The following SBF2 variants were observed in gnomAD, a reference collection of about 807,000 sequenced individuals.
The protein encoded by SBF2 is myotubularin-related protein 13.
Under a neutral mutation model 225.2 loss-of-function variants are expected in SBF2, and 112 were observed. That is an observed-to-expected ratio of 0.50 (90% CI 0.43 to 0.58). The LOEUF is 0.58. SBF2 is among the 20% of genes least tolerant of loss of function. The pLI is 0.00. For missense variants in SBF2, 1,996 were observed against 2,206.2 expected (o/e 0.90, Z 1.91); for synonymous variants, 763 against 773.3 (o/e 0.99, Z 0.22).
rs192282549 is a variant in SBF2 at position 9,779,971 on chromosome 11, T to A, written c.*447A>T. ...AGGCATTACAAGTAGATGTCTCTCA[T>A]AGGAAACCTAGTCCAGGTAGAATAT... On this transcript the variant is annotated 3_prime_UTR_variant, in exon 40 of 40. Transcript: ENST00000256190. The A allele has an allele frequency of 4.1e-4, 103 of 248,928 alleles. No homozygotes were observed. Among genetic ancestry groups the A allele is most frequent in the Admixed American group, 8.3e-4 (17 of 20,518 alleles). The allele number at this position is 248,928 out of a possible 1,614,324, so 15.4% of individuals were successfully genotyped here. A position where few individuals can be genotyped will look rare whatever the true frequency, so the allele number is the denominator to read the frequency against.
chr11:10,137,937 T>C (rs945353063), intron 2 of SBF2, among the ~76,000 whole-genome samples: 1 of 151,988 alleles, frequency 6.6e-6, no homozygotes, highest in South Asian at 2.1e-4. Flanking sequence ...GAGGCAGAGG[T>C]TGCAGTGAGC....
At chr11:9,881,708 G>C (rs1173409498) in intron 17 of SBF2, among the ~76,000 whole-genome samples, 5 of 151,876 alleles carry the variant, frequency 3.3e-5, no homozygotes, top group African/African-American at 1.2e-4. Flanking sequence ...TTTAGCTTTG[G>C]CCAAGTAGAG....
rs767921185 is a variant in SBF2, at chr11:10,043,524, T to C, written c.142-543A>G. Among the ~76,000 whole-genome samples, 8 of 151,992 alleles carry C rather than the reference T, an allele frequency of 5.3e-5. No homozygotes were observed. In the East Asian group the frequency reaches 1.3e-3, roughly 26 times the overall value. Reference sequence around the variant, plus strand: ...GACCATGACAGAATTAAACTAGAAATCAATAACAGGCAGATAGCTGGAAAA... The same window carrying C: ...GACCATGACAGAATTAAACTAGAAACCAATAACAGGCAGATAGCTGGAAAA... On this transcript the variant is annotated intron_variant, in intron 2 of 39. Coordinates refer to ENST00000256190, the MANE Select transcript of SBF2 (RefSeq NM_030962.4).
intron 17 of SBF2, among the ~76,000 whole-genome samples, chr11:9,882,704 G>A (rs902988692): frequency 6.6e-6 from 1 of 150,466 alleles, no homozygotes; most frequent in African/African-American, 2.4e-5. Flanking sequence ...CTACTTGGGA[G>A]GCTGAGGCAG....
chr11:10,211,478 A>G (rs1322537470), intron 1 of SBF2, among the ~76,000 whole-genome samples: 1 of 152,206 alleles, frequency 6.6e-6, no homozygotes, highest in Non-Finnish European at 1.5e-5. Context: ...ATCCCAAAAT[A>G]CTGTTACCTC....
rs1852684957 is a variant in SBF2, at chr11:9,790,700, T to C, written c.4571-17A>G. 6.5e-7 allele frequency: 1 copy of C among 1,544,844 alleles called. No individual in the cohort carries two copies. Among genetic ancestry groups the C allele is most frequent in the Non-Finnish European group, 8.9e-7 (1 of 1,123,252 alleles). On this transcript the variant is annotated splice_polypyrimidine_tract_variant and intron_variant, in intron 33 of 39. Coordinates refer to ENST00000256190, the MANE Select transcript of SBF2 (RefSeq NM_030962.4). ...ATAAAGTTCCTGTAGATTAAAAAAA[T>C]CCAACAAAACAAAATTAAATAAATT...
At chr11:9,860,344 C>T (rs905378866) in intron 17 of SBF2, among the ~76,000 whole-genome samples, 31 of 149,962 alleles carry the variant, frequency 2.1e-4, no homozygotes, top group Non-Finnish European at 4.0e-4. Context: ...CTTACTGCAG[C>T]CTCAACCTCC....
intron 29 of SBF2, among the ~76,000 whole-genome samples, chr11:9,815,128 G>A (rs1370774384): frequency 6.6e-6 from 1 of 151,982 alleles, no homozygotes; most frequent in African/African-American, 2.4e-5. Context: ...CCAGAATGGT[G>A]GGATTACATT....
In SBF2 at chr11:9,891,652, C is replaced by G. The variant is rs1048654606; in HGVS notation, c.1929+4291G>C. 1.1e-4 allele frequency among the ~76,000 whole-genome samples: 16 copies of G among 152,104 alleles called. 1 individual carries two copies. The South Asian group carries it at 3.3e-3, about 32-fold the overall frequency. ...CATTATTTTTCACAGTAAAAGTAATCCTAAGAATTTAAACCTGGCTGTTAA... is the reference window on the plus strand; with the variant it reads ...CATTATTTTTCACAGTAAAAGTAATGCTAAGAATTTAAACCTGGCTGTTAA... On this transcript the variant is annotated intron_variant, in intron 17 of 39. Coordinates refer to ENST00000256190, the MANE Select transcript of SBF2 (RefSeq NM_030962.4).
chr11:10,079,798 T>C (rs906894995), intron 2 of SBF2, among the ~76,000 whole-genome samples: 1 of 152,092 alleles, frequency 6.6e-6, no homozygotes, highest in East Asian at 1.9e-4. Context: ...AGAATGCCTA[T>C]GGTTAACATT....
chr11:10,035,004 C>G (rs1393231592), intron 3 of SBF2, among the ~76,000 whole-genome samples: 2 of 152,150 alleles, frequency 1.3e-5, no homozygotes, highest in African/African-American at 2.4e-5. Flanking sequence ...TTCAAACAAA[C>G]TAGGCCTCTA....
At chr11:9,920,113 G>A (rs12224908) in intron 16 of SBF2, among the ~76,000 whole-genome samples, 180 of 151,880 alleles carry the variant, frequency 1.2e-3, no homozygotes, top group Non-Finnish European at 2.2e-3. Context: ...GACTCAGTAA[G>A]TTGCCAGGTA....
intron 1 of SBF2, among the ~76,000 whole-genome samples, chr11:10,266,163 T>C (rs887665550): frequency 1.3e-5 from 2 of 152,172 alleles, no homozygotes; most frequent in African/African-American, 4.8e-5. Context: ...CTCAGCTCTG[T>C]AGTTAAATGA....
intron 16 of SBF2, among the ~76,000 whole-genome samples, chr11:9,911,788 A>G (rs1451536111): frequency 6.6e-6 from 1 of 150,886 alleles, no homozygotes; most frequent in Non-Finnish European, 1.5e-5. Context: ...ATGTGTAGAT[A>G]TGTTTAGATA....
chr11:10,016,182 T>C (rs1948645606), intron 6 of SBF2, among the ~76,000 whole-genome samples: 1 of 152,144 alleles, frequency 6.6e-6, no homozygotes, highest in Non-Finnish European at 1.5e-5. Context: ...TATCATTTAG[T>C]ATCAGATAAA....
At chr11:9,985,078 T>G (rs964000396) in intron 13 of SBF2, among the ~76,000 whole-genome samples, 1 of 152,148 alleles carries the variant, frequency 6.6e-6, no homozygotes, top group South Asian at 2.1e-4. Flanking sequence ...AAGAGCACGA[T>G]GAAAGCAACA....
At chr11:10,159,420 T>C (rs1232140304) in intron 2 of SBF2, among the ~76,000 whole-genome samples, 1 of 152,178 alleles carries the variant, frequency 6.6e-6, no homozygotes, top group Non-Finnish European at 1.5e-5. Context: ...GAGTTTGAGA[T>C]GTTTTGCAGA....
At chr11:9,878,396 A>G (rs544238849) in intron 17 of SBF2, among the ~76,000 whole-genome samples, 1 of 152,202 alleles carries the variant, frequency 6.6e-6, no homozygotes, top group Admixed American at 6.5e-5. Flanking sequence ...TCTTTAGTTT[A>G]ATTAGATCCC....
chr11:10,176,368 C>T (rs1450990041), intron 2 of SBF2, among the ~76,000 whole-genome samples: 2 of 151,520 alleles, frequency 1.3e-5, no homozygotes, highest in African/African-American at 2.4e-5. Flanking sequence ...AATAGAGACA[C>T]AAAAAACCCT....
Sources: allele counts gnomAD v4.1 joint callset (sites outside exome capture counted in the v4.1 genomes callset), GRCh38; gene constraint gnomAD v4.1.1; transcripts MANE v1.5; gene names NCBI Gene and HGNC (gene_info 2026-07-23, HGNC 2026-07-21).